ACOT1: variants seen among roughly 807,000 people sequenced by gnomAD.
ACOT1 encodes acyl-coenzyme A thioesterase 1.
ACOT1 carries 8 observed loss-of-function variants against 15.7 expected under a neutral mutation model. The ratio of observed to expected loss-of-function variants is 0.51; its 90% CI spans 0.30 to 0.92. The LOEUF is 0.92. Among genes scored for constraint, ACOT1 ranks in the 40% least tolerant of loss-of-function variants. The pLI is 0.06. For missense variants in ACOT1, 151 were observed against 539.4 expected (o/e 0.28, Z 7.13); for synonymous variants, 67 against 241.2 (o/e 0.28, Z 6.69).
At chr14:73,505,859 T>C in the ACOT1 span, among the ~76,000 whole-genome samples, 1 of 151,744 alleles carries the variant, frequency 6.6e-6, no homozygotes, top group Non-Finnish European at 1.5e-5. Flanking sequence ...TCTGTTGATA[T>C]TGAGGCAATA....
the ACOT1 span, among the ~76,000 whole-genome samples, chr14:73,505,247 C>T: frequency 2.0e-5 from 3 of 152,088 alleles, no homozygotes; most frequent in Non-Finnish European, 2.9e-5. Flanking sequence ...ATAAATTTAA[C>T]CCACACTAAT....
the ACOT1 span, among the ~76,000 whole-genome samples, chr14:73,518,825 G>A: frequency 6.6e-6 from 1 of 152,202 alleles, no homozygotes; most frequent in African/African-American, 2.4e-5. Flanking sequence ...GTATGTTCCT[G>A]TGAGGCTCTT....
chr14:73,498,172 G>T, the ACOT1 span: 6 of 1,612,176 alleles, frequency 3.7e-6, no homozygotes, highest in East Asian at 1.1e-4. Context: ...CAGCATCGTG[G>T]TTCTCCAGGA....
chr14:73,518,678 G>A, the ACOT1 span, among the ~76,000 whole-genome samples: 1 of 152,154 alleles, frequency 6.6e-6, no homozygotes, highest in African/African-American at 2.4e-5. Context: ...AGGGCAGAAT[G>A]CTGGGTCAGG....
At chr14:73,491,933 A>G in the ACOT1 span, 1 of 1,613,558 alleles carries the variant, frequency 6.2e-7, no homozygotes, top group Admixed American at 1.7e-5. Context: ...GGCTTTCTCT[A>G]CTACTGTGTG....
chr14:73,512,282 G>A, the ACOT1 span: 4 of 961,556 alleles, frequency 4.2e-6, no homozygotes, highest in African/African-American at 6.6e-5. Context: ...AGAATAAAGG[G>A]CCCAGAGATG....
At chr14:73,504,869 A>T in the ACOT1 span, among the ~76,000 whole-genome samples, 1 of 152,136 alleles carries the variant, frequency 6.6e-6, no homozygotes, top group South Asian at 2.1e-4. Flanking sequence ...TAATGGCAAA[A>T]ACGAAGTGTT....
At chr14:73,525,030 T>C in the ACOT1 span, among the ~76,000 whole-genome samples, 3 of 152,112 alleles carry the variant, frequency 2.0e-5, no homozygotes, top group Admixed American at 2.0e-4. Flanking sequence ...TTTTTTTCTT[T>C]TGTTTTGTTT....
chr14:73,529,726 T>C, the ACOT1 span, among the ~76,000 whole-genome samples: 5 of 152,230 alleles, frequency 3.3e-5, no homozygotes, highest in African/African-American at 1.2e-4. Flanking sequence ...TCAAAGTAGG[T>C]TGAGTAACGT....
the ACOT1 span, chr14:73,491,205 C>T: frequency 6.3e-7 from 1 of 1,594,034 alleles, no homozygotes; most frequent in South Asian, 1.1e-5. Flanking sequence ...AGCGAGAACT[C>T]GGAGGAATCG....
the ACOT1 span, among the ~76,000 whole-genome samples, chr14:73,513,812 G>A: frequency 4.8e-5 from 7 of 146,520 alleles, no homozygotes; most frequent in African/African-American, 1.8e-4. Flanking sequence ...ACAAATTACT[G>A]AAGTAATACC....
the ACOT1 span, among the ~76,000 whole-genome samples, chr14:73,509,809 CCCATATATATATATATATATATATAT>C: frequency 0.019 from 98 of 5,192 alleles, 5 homozygotes; most frequent in Admixed American, 0.031. Context: ...GCCCCATGAG[CCCATATATATATATATATATATATAT>C]ATATATATAT....
At chr14:73,531,851 C>T in the ACOT1 span, among the ~76,000 whole-genome samples, 1 of 111,924 alleles carries the variant, frequency 8.9e-6, no homozygotes, top group Non-Finnish European at 1.9e-5. Context: ...GAAACCCCAT[C>T]TCTACTAAAA....
At chr14:73,506,698 A>G in the ACOT1 span, 8 of 606,632 alleles carry the variant, frequency 1.3e-5, no homozygotes, top group African/African-American at 1.1e-4. Flanking sequence ...GAGATGGGGC[A>G]TGTTTCCATC....
At chr14:73,519,248 C>T in the ACOT1 span, 1 of 1,416,792 alleles carries the variant, frequency 7.1e-7, no homozygotes. Flanking sequence ...GGATCAGACC[C>T]AACTTCCTTT....
chr14:73,515,142 A>C, the ACOT1 span, among the ~76,000 whole-genome samples: 2 of 152,266 alleles, frequency 1.3e-5, no homozygotes, highest in Admixed American at 1.3e-4. Context: ...CAAATTTAGA[A>C]AGCCTCTTTC....
At chr14:73,499,865 C>G in the ACOT1 span, among the ~76,000 whole-genome samples, 1 of 152,290 alleles carries the variant, frequency 6.6e-6, no homozygotes, top group East Asian at 1.9e-4. Flanking sequence ...GGAGCTAAAC[C>G]AAGCTTGTCC....
rs1274605826 is a variant in ACOT1 at position 73,538,917 on chromosome 14, G to A, written c.457+1039G>A. Among the ~76,000 whole-genome samples, 4 of 113,760 alleles carry A rather than the reference G, an allele frequency of 3.5e-5. 1 individual carries two copies. The highest frequency in any genetic ancestry group is 7.6e-5 in the Non-Finnish European group (4 of 52,350). The allele number at this position is 113,760 out of a possible 152,430, so 74.6% of individuals were successfully genotyped here. On this transcript the variant is annotated intron_variant, in intron 1 of 2. Transcript: ENST00000311148. ...CTGGAGGCAGAGGTTGCAGTGAGCC[G>A]AGATCACGCCATTGTACTCCAGCCT...
the ACOT1 span, chr14:73,500,473 ATAC>A: frequency 6.3e-6 from 9 of 1,428,616 alleles, no homozygotes; most frequent in Non-Finnish European, 8.7e-6. Flanking sequence ...AATGTTGAGC[ATAC>A]TGTGCACAAC....
Sources: gnomAD v4.1 joint callset for allele counts (sites outside exome capture counted in the v4.1 genomes callset) on GRCh38, gnomAD v4.1.1 for gene constraint, MANE v1.5 for transcripts, NCBI Gene and HGNC (gene_info 2026-07-23, HGNC 2026-07-21) for gene names.